SF3B3: variants seen among roughly 807,000 people sequenced by gnomAD.
SF3B3 encodes the protein SAP 130.
Under a neutral mutation model 139.2 loss-of-function variants are expected in SF3B3, and 33 were observed. The ratio of observed to expected loss-of-function variants is 0.24; its 90% CI spans 0.18 to 0.32. The LOEUF is 0.32. Among genes scored for constraint, SF3B3 ranks in the 10% least tolerant of loss-of-function variants. SF3B3 has a pLI of 1.00. For missense variants in SF3B3, 818 were observed against 1,509.4 expected (o/e 0.54, Z 7.59); for synonymous variants, 596 against 563.6 (o/e 1.06, Z -0.81).
At chr16:70,551,259 ATACAGTCTCATACCC>A (rs2050322164) in intron 11 of SF3B3, among the ~76,000 whole-genome samples, 1 of 152,180 alleles carries the variant, frequency 6.6e-6, no homozygotes, top group South Asian at 2.1e-4. Context: ...TGACCTAAAG[ATACAGTCTCATACCC>A]TTATGGATTC....
At position 70,535,381 on chromosome 16, in the gene SF3B3, T is replaced by A. The variant is rs1265249176; in HGVS notation, c.786T>A (p.Gly262=). 2 of 1,611,332 alleles carry A rather than the reference T, an allele frequency of 1.2e-6. No homozygotes were observed. The highest frequency in any genetic ancestry group is 2.7e-5 in the African/African-American group (2 of 74,848). Residue 262 remains glycine, a synonymous_variant, in exon 6 of 26, where the codon GGT becomes GGA. Coordinates refer to ENST00000302516, the MANE Select transcript of SF3B3 (RefSeq NM_012426.5). Reference sequence around the variant, plus strand: ...ACTATATTACTTACAAGAACTTTGGTGACCAGCCAGATATCCGCTGTCCAA... The same window carrying A: ...ACTATATTACTTACAAGAACTTTGGAGACCAGCCAGATATCCGCTGTCCAA... The part of the protein sequence containing the change: ...SENYITYKNF[G]DQPDIRCPIP...
intron 8 of SF3B3, among the ~76,000 whole-genome samples, chr16:70,540,846 C>T (rs2050213132): frequency 6.6e-6 from 1 of 152,142 alleles, no homozygotes; most frequent in South Asian, 2.1e-4. Flanking sequence ...TTTACCCATT[C>T]TGCTGATGTA....
chr16:70,561,111 C>G (rs942578472), intron 16 of SF3B3, among the ~76,000 whole-genome samples: 1 of 152,162 alleles, frequency 6.6e-6, no homozygotes, highest in Non-Finnish European at 1.5e-5. Context: ...ACCTCCGCCT[C>G]CTGGGTTCAA....
rs975903794 is a variant in SF3B3, at chr16:70,572,414, G to A, written c.*601G>A. On this transcript the variant is annotated 3_prime_UTR_variant, in exon 26 of 26. Coordinates refer to ENST00000302516, the MANE Select transcript of SF3B3 (RefSeq NM_012426.5). The stretch of plus-strand genomic sequence containing the variant: ...CTTCCAGATACCGACTTGGACTTGC[G>A]GCACTCTGTGGCTCCCCACCCCCAG... 9.7e-5 allele frequency: 19 copies of A among 195,044 alleles called. No individual in the cohort carries two copies. Among genetic ancestry groups the A allele is most frequent in the Admixed American group, 1.8e-4 (3 of 16,862 alleles). The allele number at this position is 195,044 out of a possible 1,614,324, so 12.1% of individuals were successfully genotyped here.
At chr16:70,548,773 T>C (rs1400063385) in intron 11 of SF3B3, among the ~76,000 whole-genome samples, 3 of 152,220 alleles carry the variant, frequency 2.0e-5, no homozygotes, top group African/African-American at 7.2e-5. Flanking sequence ...TGAGGGAAAG[T>C]TGTGCTTTTT....
chr16:70,558,187 A>G (rs2050395559), intron 15 of SF3B3, among the ~76,000 whole-genome samples: 1 of 152,322 alleles, frequency 6.6e-6, no homozygotes, highest in Non-Finnish European at 1.5e-5. Flanking sequence ...GAATTAGACC[A>G]TGCCATCCAT....
intron 18 of SF3B3, among the ~76,000 whole-genome samples, chr16:70,564,296 C>T (rs1304007033): frequency 3.3e-5 from 5 of 152,154 alleles, no homozygotes; most frequent in African/African-American, 9.7e-5. Context: ...CACTTGAGCC[C>T]AGGAGTTCAA....
At chr16:70,570,618 C>T (rs912052120) in intron 24 of SF3B3, among the ~76,000 whole-genome samples, 3 of 152,150 alleles carry the variant, frequency 2.0e-5, no homozygotes, top group African/African-American at 4.8e-5. Context: ...GCGTGAGCCA[C>T]CCGCGCCCGG....
Position 70,571,628 on chromosome 16 carries a change from G to A in SF3B3, c.3514-45G>A, listed in dbSNP as rs144804052. On this transcript the variant is annotated intron_variant, in intron 25 of 25. Coordinates refer to ENST00000302516, the MANE Select transcript of SF3B3 (RefSeq NM_012426.5). Reference sequence around the variant, plus strand: ...TGCTTTAGCATGTGCCATTTTCTTTGGGCATCTCACCATTTTTTTTCTTTC... The same window carrying A: ...TGCTTTAGCATGTGCCATTTTCTTTAGGCATCTCACCATTTTTTTTCTTTC... 1.0e-2 allele frequency: 15,814 copies of A among 1,581,842 alleles called. 106 individuals carry two copies. Among genetic ancestry groups the A allele is most frequent in the Non-Finnish European group, 0.011 (13,367 of 1,165,350 alleles).
In SF3B3 at chr16:70,541,684, T is replaced by C. The variant is rs755129313; in HGVS notation, c.1083T>C (p.Ile361=). The C allele has an allele frequency of 6.2e-7, 1 of 1,613,924 alleles. No homozygotes were observed. The highest frequency in any genetic ancestry group is 8.5e-7 in the Non-Finnish European group (1 of 1,179,900). The stretch of plus-strand genomic sequence containing the variant: ...TTCTTCCCAGTTACTTATATCAAAT[T>C]GCACATCTTGGAGATGATGATGAAG... ...SEFGNHYLYQ[I]AHLGDDDEEP... is the part of the protein sequence containing the mutation. Residue 361 remains isoleucine, a synonymous_variant, in exon 9 of 26, where the codon ATT becomes ATC. Coordinates refer to ENST00000302516, the MANE Select transcript of SF3B3 (RefSeq NM_012426.5).
At chr16:70,561,853 G>A in intron 17 of SF3B3, 69 bp downstream of exon 17, 17 of 1,399,854 alleles carry the variant, frequency 1.2e-5, no homozygotes, top group Middle Eastern at 2.2e-4. Flanking sequence ...GGTTCTGCCA[G>A]AGTGTTGGAG....
chr16:70,567,636 A>G, intron 21 of SF3B3, 100 bp downstream of exon 21: 1 of 1,392,120 alleles, frequency 7.2e-7, no homozygotes, highest in Non-Finnish European at 9.7e-7. Flanking sequence ...TATCTTTATT[A>G]GGACTTGTTG....
At chr16:70,556,086 C>T in intron 13 of SF3B3, 93 bp from the exon 14 acceptor site, 3 of 1,307,068 alleles carry the variant, frequency 2.3e-6, no homozygotes, top group Non-Finnish European at 3.3e-6. Context: ...AACAGCCCTC[C>T]TTCATTCTCT....
At chr16:70,560,420 A>G in intron 15 of SF3B3, 49 bp from the exon 16 acceptor site, 1 of 1,599,350 alleles carries the variant, frequency 6.3e-7, no homozygotes, top group Non-Finnish European at 8.5e-7. Context: ...TTCCCATCAT[A>G]GCTGATAAGC....
intron 14 of SF3B3, 40 bp downstream of exon 14, chr16:70,556,374 AC>A: frequency 6.2e-7 from 1 of 1,609,294 alleles, no homozygotes; most frequent in Non-Finnish European, 8.5e-7. Context: ...TCTGGTTGGA[AC>A]CTGAGCATCT....
At chr16:70,567,562 G>GATCT in intron 21 of SF3B3, 26 bp downstream of exon 21, 1 of 1,606,452 alleles carries the variant, frequency 6.2e-7, no homozygotes, top group Non-Finnish European at 8.5e-7. Flanking sequence ...TTGGTGCTGA[G>GATCT]ATCTAGCTCA....
rs780969285 is a variant in SF3B3, at chr16:70,561,651, T to A, written c.2155T>A (p.Ser719Thr). Residue 719 changes from serine to threonine, a missense_variant, in exon 17 of 26, where the codon TCA (serine) becomes ACA (threonine). Ser to Thr is a moderately conservative substitution (Grantham distance 58). Coordinates refer to ENST00000302516, the MANE Select transcript of SF3B3 (RefSeq NM_012426.5). ...TCAGGTATTGGCCATGTCAAGCCGC[T>A]CATGGTTGAGCTATTCTTACCAATC... ...QEAVLAMSSRSWLSYSYQSRF... is the reference protein window; with the variant it reads ...QEAVLAMSSRTWLSYSYQSRF... 1 of 1,613,932 alleles carries A rather than the reference T, an allele frequency of 6.2e-7. No homozygotes were observed. The highest frequency in any genetic ancestry group is 1.1e-5 in the South Asian group (1 of 91,056).
intron 23 of SF3B3, 52 bp from the exon 24 acceptor site, chr16:70,569,954 C>A: frequency 6.2e-7 from 1 of 1,607,608 alleles, no homozygotes; most frequent in East Asian, 2.2e-5. Context: ...CTTGGGAGTC[C>A]AGGGAGGCTC....
Position 70,547,014 on chromosome 16 carries a change from C to T in SF3B3, c.1330-1356C>T, listed in dbSNP as rs573488288. Among the ~76,000 whole-genome samples, 16 of 150,044 alleles carry T rather than the reference C, an allele frequency of 1.1e-4. No homozygotes were observed. In the East Asian group the frequency reaches 3.1e-3, roughly 29 times the overall value. ...TTGCACTCGAGCCTGGGCGACAGAG[C>T]GAGACTCCGTCTCAAAAAAAAAAAA... On this transcript the variant is annotated intron_variant, in intron 10 of 25. Coordinates refer to ENST00000302516, the MANE Select transcript of SF3B3 (RefSeq NM_012426.5).
Sources: allele counts gnomAD v4.1 joint callset (sites outside exome capture counted in the v4.1 genomes callset), GRCh38; gene constraint gnomAD v4.1.1; transcripts MANE v1.5; gene names NCBI Gene and HGNC (gene_info 2026-07-23, HGNC 2026-07-21).